The following SGCD variants were observed in gnomAD, a reference collection of about 807,000 sequenced individuals.
The protein encoded by SGCD is delta-sarcoglycan.
A neutral mutation model predicts 36.6 loss-of-function variants in SGCD; 18 were observed. That is an observed-to-expected ratio of 0.49 (90% CI 0.34 to 0.73). The LOEUF (loss-of-function observed/expected upper bound fraction) is 0.73. SGCD is among the 30% of genes least tolerant of loss of function. The pLI is 0.01. For missense variants in SGCD, 387 were observed against 346.7 expected (o/e 1.12, Z -0.92); for synonymous variants, 133 against 130.6 (o/e 1.02, Z -0.12).
chr5:156,631,548 C>G (rs1448927210), intron 6 of SGCD, among the ~76,000 whole-genome samples: 1 of 150,186 alleles, frequency 6.7e-6, no homozygotes, highest in Non-Finnish European at 1.5e-5. Context: ...TTCATAGACG[C>G]TATTTTTTTT....
chr5:155,745,981 C>T, the SGCD span, among the ~76,000 whole-genome samples: 46 of 152,292 alleles, frequency 3.0e-4, no homozygotes, highest in African/African-American at 9.9e-4. Flanking sequence ...CCTGTGTGTA[C>T]ACACTGCAGA....
At chr5:155,997,139 G>C (rs1035685269) in intron 1 of SGCD, among the ~76,000 whole-genome samples, 6 of 152,152 alleles carry the variant, frequency 3.9e-5, no homozygotes, top group Non-Finnish European at 8.8e-5. Context: ...TATTATTATT[G>C]AGCCATTATT....
intron 3 of SGCD, among the ~76,000 whole-genome samples, chr5:156,432,656 TA>T (rs1753073804): frequency 6.6e-6 from 1 of 152,030 alleles, no homozygotes; most frequent in African/African-American, 2.4e-5. Context: ...CTGTGGGGGA[TA>T]GGGGTGGTTT....
intron 7 of SGCD, among the ~76,000 whole-genome samples, chr5:156,667,891 G>T (rs748513048): frequency 3.9e-5 from 6 of 152,148 alleles, no homozygotes; most frequent in Admixed American, 6.6e-5. Flanking sequence ...TCAAATCATG[G>T]TAACCAAAAA....
chr5:156,090,819 T>C (rs1761221588), intron 1 of SGCD, among the ~76,000 whole-genome samples: 1 of 152,176 alleles, frequency 6.6e-6, no homozygotes, highest in South Asian at 2.1e-4. Context: ...CAATTATTAA[T>C]ATTCCTTGCT....
At chr5:156,580,016 C>G (rs1472992941) in intron 4 of SGCD, among the ~76,000 whole-genome samples, 2 of 152,164 alleles carry the variant, frequency 1.3e-5, no homozygotes, top group East Asian at 3.8e-4. Flanking sequence ...CATTGATGGT[C>G]TTTACAATTT....
intron 3 of SGCD, among the ~76,000 whole-genome samples, chr5:156,498,958 G>A (rs578003213): frequency 2.5e-4 from 38 of 151,046 alleles, no homozygotes; most frequent in South Asian, 2.1e-3. Flanking sequence ...GTGTGTGTGT[G>A]TGTGTATGTG....
intron 3 of SGCD, among the ~76,000 whole-genome samples, chr5:156,293,047 G>T (rs1766800778): frequency 6.6e-6 from 1 of 151,860 alleles, no homozygotes; most frequent in Non-Finnish European, 1.5e-5. Context: ...CTCCCATTCT[G>T]AGGGTTGCCT....
chr5:155,969,950 T>A (rs938930263), intron 1 of SGCD, among the ~76,000 whole-genome samples: 5 of 151,966 alleles, frequency 3.3e-5, no homozygotes, highest in African/African-American at 1.2e-4. Context: ...GCTTGACAAG[T>A]GATTTTTCGT....
At chr5:156,623,053 T>C (rs1398195512) in intron 6 of SGCD, among the ~76,000 whole-genome samples, 2 of 152,174 alleles carry the variant, frequency 1.3e-5, no homozygotes, top group Admixed American at 6.5e-5. Flanking sequence ...TATTGTATGT[T>C]TTATATGTAT....
intron 3 of SGCD, among the ~76,000 whole-genome samples, chr5:156,301,040 T>C (rs1233824950): frequency 6.6e-6 from 1 of 151,984 alleles, no homozygotes; most frequent in Non-Finnish European, 1.5e-5. Flanking sequence ...ATAAATCTAT[T>C]TAGCCAGTCT....
At chr5:156,702,686 G>A (rs1754571880) in intron 7 of SGCD, among the ~76,000 whole-genome samples, 1 of 152,132 alleles carries the variant, frequency 6.6e-6, no homozygotes, top group Non-Finnish European at 1.5e-5. Context: ...TTAATAAAAT[G>A]AGACTTTAAT....
intron 2 of SGCD, among the ~76,000 whole-genome samples, chr5:156,343,905 T>A (rs1306362865): frequency 1.3e-5 from 2 of 152,282 alleles, no homozygotes; most frequent in East Asian, 3.9e-4. Context: ...AGACTATCAC[T>A]TGCTGAAGAT....
the SGCD span, among the ~76,000 whole-genome samples, chr5:155,850,647 T>C: frequency 6.6e-6 from 1 of 152,170 alleles, no homozygotes. Context: ...AGTGATTATA[T>C]AGAAACTGTA....
intron 1 of SGCD, among the ~76,000 whole-genome samples, chr5:155,883,185 G>A (rs975424160): frequency 2.0e-5 from 3 of 152,298 alleles, no homozygotes; most frequent in Non-Finnish European, 2.9e-5. Context: ...TCAAGAGCAT[G>A]TTATGGCTGG....
chr5:156,617,406 G>T (rs909092630), intron 6 of SGCD, among the ~76,000 whole-genome samples: 4 of 152,218 alleles, frequency 2.6e-5, no homozygotes, highest in African/African-American at 9.6e-5. Context: ...TTCATGTGGA[G>T]GATCATGGGG....
At chr5:156,675,497 G>T (rs889994059) in intron 7 of SGCD, among the ~76,000 whole-genome samples, 3 of 152,234 alleles carry the variant, frequency 2.0e-5, no homozygotes, top group South Asian at 4.1e-4. Context: ...CAATTAATTT[G>T]CCAGGCTGGT....
the SGCD span, among the ~76,000 whole-genome samples, chr5:155,863,776 T>C: frequency 6.6e-6 from 1 of 151,938 alleles, no homozygotes; most frequent in South Asian, 2.1e-4. Context: ...CTTTAAGTAC[T>C]TGAGAAGGAA....
intron 6 of SGCD, among the ~76,000 whole-genome samples, chr5:156,607,984 C>A (rs895920572): frequency 4.0e-5 from 6 of 151,872 alleles, no homozygotes; most frequent in African/African-American, 1.5e-4. Context: ...TTGATCTTTT[C>A]AAAAAAACAG....
Sources: gnomAD v4.1 joint callset for allele counts (sites outside exome capture counted in the v4.1 genomes callset) on GRCh38, gnomAD v4.1.1 for gene constraint, MANE v1.5 for transcripts, NCBI Gene and HGNC (gene_info 2026-07-23, HGNC 2026-07-21) for gene names.